The following HACL1 variants were observed in gnomAD, a reference collection of about 807,000 sequenced individuals.
HACL1 encodes 1600020H07Rik.
HACL1 carries 64 observed loss-of-function variants against 74.2 expected under a neutral mutation model. That is an observed-to-expected ratio of 0.86 (90% CI 0.70 to 1.06). The LOEUF (loss-of-function observed/expected upper bound fraction) is 1.06, where lower values mean the gene tolerates loss of function less well. Ranked by LOEUF, HACL1 falls within the 50% of genes least tolerant of loss-of-function variation. The pLI is 0.00. For missense variants in HACL1, 728 were observed against 719.7 expected (o/e 1.01, Z -0.13); for synonymous variants, 230 against 238.8 (o/e 0.96, Z 0.34).
chr3:15,601,149 T>C lies in HACL1; in HGVS notation c.127A>G (p.Ile43Val), dbSNP rs1297450379. 8.1e-6 allele frequency: 13 copies of C among 1,613,964 alleles called. No homozygotes were observed. Among genetic ancestry groups the C allele is most frequent in the East Asian group, 4.5e-5 (2 of 44,894 alleles). ...FGIVGIPVTE[I>V]AIAAQQLGIK... ...CCTAGCTGCTGGGCAGCAATGGCGA[T>C]TTCGGTCACTGGGATGCCTACGATG... The change falls in exon 2 of 17, where the codon ATC becomes GTC. Residue 43 changes from isoleucine to valine, a missense_variant. Ile to Val is a conservative substitution (Grantham distance 29). Transcript: ENST00000321169.
intron 14 of HACL1, among the ~76,000 whole-genome samples, chr3:15,566,479 C>T (rs117465495): frequency 0.017 from 2,523 of 152,190 alleles, 171 homozygotes; most frequent in East Asian, 0.11. Flanking sequence ...TATGGCAAAG[C>T]CCTGTCTCTA....
chr3:15,581,836 T>G (rs1359021189), intron 8 of HACL1, among the ~76,000 whole-genome samples: 1 of 152,220 alleles, frequency 6.6e-6, no homozygotes, highest in East Asian at 1.9e-4. Context: ...TTTTGTGTAA[T>G]CCCTGCCTTA....
At chr3:15,583,078 T>TAAA in intron 7 of HACL1, 89 bp from the exon 8 acceptor site, 1 of 653,224 alleles carries the variant, frequency 1.5e-6, no homozygotes, top group Non-Finnish European at 2.7e-6. Flanking sequence ...GTAGAAAAAA[T>TAAA]AGTACAATAA....
At chr3:15,571,820 CTTT>C (rs759202943) in intron 11 of HACL1, 51 bp from the exon 12 acceptor site, 1 of 307,072 alleles carries the variant, frequency 3.3e-6, no homozygotes, top group East Asian at 9.6e-5. Flanking sequence ...TTTTCTTTGC[CTTT>C]TTTTTCTTTT....
At chr3:15,593,167 A>T (rs989354387) in intron 3 of HACL1, among the ~76,000 whole-genome samples, 2 of 150,174 alleles carry the variant, frequency 1.3e-5, no homozygotes, top group Non-Finnish European at 3.0e-5. Flanking sequence ...ACATACGTAT[A>T]TATGTGTGTA....
In HACL1 at chr3:15,571,784, A is replaced by ACACAC. The variant is rs201026573; in HGVS notation, c.994-16_994-15insGTGTG. ...TCCTCTAAAAGCTTAAAAAAAAAAA[A>ACACAC]ACACACACACACAAACACATAAACT... On this transcript the variant is annotated splice_polypyrimidine_tract_variant and intron_variant, in intron 11 of 16. Coordinates refer to ENST00000321169, the MANE Select transcript of HACL1 (RefSeq NM_012260.4). The ACACAC allele has an allele frequency of 2.2e-6, 2 of 899,902 alleles. No homozygotes were observed. The highest frequency in any genetic ancestry group is 2.5e-5 in the East Asian group (1 of 39,366). The allele number at this position is 899,902 out of a possible 1,614,324, so 55.7% of individuals were successfully genotyped here.
intron 3 of HACL1, among the ~76,000 whole-genome samples, chr3:15,592,013 T>C (rs1388604221): frequency 2.7e-5 from 4 of 146,826 alleles, no homozygotes; most frequent in South Asian, 4.3e-4. Flanking sequence ...TATATACGTA[T>C]ATATACACAC....
At chr3:15,567,793 A>T in intron 14 of HACL1, 51 bp downstream of exon 14, 1 of 1,540,906 alleles carries the variant, frequency 6.5e-7, no homozygotes, top group East Asian at 2.2e-5. Flanking sequence ...CTTGTGTGTC[A>T]TTTTTCATAT....
chr3:15,571,607 G>C (rs932825919), intron 12 of HACL1, 61 bp downstream of exon 12: 1 of 814,362 alleles, frequency 1.2e-6, no homozygotes, highest in Non-Finnish European at 2.2e-6. Context: ...GTCACATTAC[G>C]GCAGAAGTAA....
At chr3:15,588,459 G>A (rs2063830033) in intron 5 of HACL1, among the ~76,000 whole-genome samples, 2 of 152,080 alleles carry the variant, frequency 1.3e-5, no homozygotes, top group Admixed American at 1.3e-4. Flanking sequence ...TGGGCATGGT[G>A]GCGTGTGCCT....
At chr3:15,581,527 G>C (rs1159495750) in intron 8 of HACL1, among the ~76,000 whole-genome samples, 3 of 152,084 alleles carry the variant, frequency 2.0e-5, no homozygotes, top group Non-Finnish European at 4.4e-5. Context: ...AAGTTTTCTT[G>C]TATTCTCCTT....
chr3:15,577,701 G>A (rs1280820571), intron 9 of HACL1, among the ~76,000 whole-genome samples: 2 of 152,034 alleles, frequency 1.3e-5, no homozygotes, highest in Non-Finnish European at 2.9e-5. Flanking sequence ...GGGAGGCTGA[G>A]GTGGGAGGAT....
At chr3:15,566,711 G>A (rs1202902810) in intron 14 of HACL1, among the ~76,000 whole-genome samples, 2 of 147,698 alleles carry the variant, frequency 1.4e-5, no homozygotes, top group Non-Finnish European at 3.0e-5. Flanking sequence ...ATCTTTCTAA[G>A]GTAGGAACTA....
chr3:15,572,858 A>G (rs981408844), intron 11 of HACL1, among the ~76,000 whole-genome samples: 2 of 152,230 alleles, frequency 1.3e-5, no homozygotes, highest in Admixed American at 6.5e-5. Context: ...ATACTTTTTC[A>G]GATAGCTGGA....
intron 15 of HACL1, 151 bp from the exon 16 acceptor site, chr3:15,563,695 A>T: frequency 1.7e-6 from 1 of 602,724 alleles, no homozygotes; most frequent in East Asian, 2.8e-5. Context: ...CAGTACACTG[A>T]GTTTTTCCTA....
At chr3:15,601,265 G>C in intron 1 of HACL1, 71 bp from the exon 2 acceptor site, 2 of 1,546,948 alleles carry the variant, frequency 1.3e-6, no homozygotes, top group Non-Finnish European at 8.9e-7. Context: ...CCTCCCTCCC[G>C]GGCGCTAAAA....
At chr3:15,567,777 C>A in intron 14 of HACL1, 67 bp downstream of exon 14, 1 of 1,413,198 alleles carries the variant, frequency 7.1e-7, no homozygotes, top group African/African-American at 1.4e-5. Context: ...TGTCAGGTGA[C>A]TGGGTCTTGT....
At chr3:15,589,509 TA>T (rs752857397) in intron 5 of HACL1, 30 bp downstream of exon 5, 22 of 1,425,334 alleles carry the variant, frequency 1.5e-5, no homozygotes, top group Non-Finnish European at 2.0e-5. Flanking sequence ...AAATTAAAAA[TA>T]AAAAAAACCA....
intron 13 of HACL1, among the ~76,000 whole-genome samples, 156 bp downstream of exon 13, chr3:15,568,276 C>G (rs1178777950): frequency 6.6e-6 from 1 of 152,194 alleles, no homozygotes; most frequent in Non-Finnish European, 1.5e-5. Flanking sequence ...AGCATAAAAA[C>G]TCTACAAAAC....
Sources: allele counts gnomAD v4.1 joint callset (sites outside exome capture counted in the v4.1 genomes callset), GRCh38; gene constraint gnomAD v4.1.1; transcripts MANE v1.5; gene names NCBI Gene and HGNC (gene_info 2026-07-23, HGNC 2026-07-21).